STX3: variants seen among roughly 807,000 people sequenced by gnomAD.
The protein encoded by STX3 is syntaxin 3.
Under a neutral mutation model 40.2 loss-of-function variants are expected in STX3, and 19 were observed. That is an observed-to-expected ratio of 0.47 (90% CI 0.33 to 0.69). The LOEUF is 0.69. STX3 is among the 30% of genes least tolerant of loss of function. The probability of loss-of-function intolerance (pLI) is 0.02; values close to 1 mark genes in which losing one functional copy is unlikely to be tolerated. For synonymous variants in STX3, 122 were observed against 132.2 expected (o/e 0.92, Z 0.53); for missense variants, 364 against 366.7 (o/e 0.99, Z 0.06).
chr11:59,766,517 C>T (rs1278286722), intron 1 of STX3, among the ~76,000 whole-genome samples: 1 of 152,226 alleles, frequency 6.6e-6, no homozygotes, highest in Non-Finnish European at 1.5e-5. Flanking sequence ...TGGCTCCCCA[C>T]TCCCTGAGTA....
At chr11:59,789,012 C>T in intron 4 of STX3, 65 bp downstream of exon 4, 1 of 1,450,326 alleles carries the variant, frequency 6.9e-7, no homozygotes, top group Non-Finnish European at 9.4e-7. Context: ...CCCTAGGGTC[C>T]AGCTTTCCGA....
chr11:59,792,216 G>A lies in STX3; in HGVS notation c.466+1G>A. ...CGAATCCAGCGGCAGCTCGAAATTA[G>A]TATGTACTTGAGGTTTGGCGTGTGC... On this transcript the variant is annotated splice_donor_variant, in intron 6 of 10. Transcript: ENST00000337979. LOFTEE classifies it high-confidence loss of function. The A allele has an allele frequency of 1.2e-6, 2 of 1,613,426 alleles. No individual in the cohort carries two copies. The highest frequency in any genetic ancestry group is 1.7e-6 in the Non-Finnish European group (2 of 1,179,828).
chr11:59,779,477 G>T (rs1864209559), intron 2 of STX3, among the ~76,000 whole-genome samples: 1 of 152,174 alleles, frequency 6.6e-6, no homozygotes, highest in East Asian at 1.9e-4. Flanking sequence ...TGGGGATTAG[G>T]CATCAACATA....
chr11:59,789,123 CT>C, intron 4 of STX3, 176 bp downstream of exon 4: 2 of 541,202 alleles, frequency 3.7e-6, no homozygotes, highest in East Asian at 6.7e-5. Context: ...AGAAATTTAC[CT>C]TTTCTTAAAT....
In STX3 at chr11:59,797,263, T is replaced by C. The variant is rs746033383; in HGVS notation, c.787-20T>C. On this transcript the variant is annotated intron_variant, in intron 9 of 10. Transcript: ENST00000337979. ...GTTGTTTGTAATAATGATTTGTTTT[T>C]GTCTTATTCCTCTCTCCAGAAATTG... 1.9e-6 allele frequency: 3 copies of C among 1,593,304 alleles called. No homozygotes were observed. Among genetic ancestry groups the C allele is most frequent in the Middle Eastern group, 1.7e-4 (1 of 6,020 alleles).
At chr11:59,763,336 A>T in intron 1 of STX3, among the ~76,000 whole-genome samples, 1 of 152,170 alleles carries the variant, frequency 6.6e-6, no homozygotes, top group East Asian at 1.9e-4. Context: ...TGTACATAAC[A>T]TCTACCTAGA....
rs181318712 is a variant in STX3 at position 59,799,210 on chromosome 11, T to C, written c.*31-1645T>C. On this transcript the variant is annotated intron_variant, in intron 10 of 10. Transcript: ENST00000337979. ...CAGCCAGTGACTTTTAAAATATTTTTCTGAATAAAATATAGCATGCATTGT... is the reference window on the plus strand; with the variant it reads ...CAGCCAGTGACTTTTAAAATATTTTCCTGAATAAAATATAGCATGCATTGT... 6.3e-3 allele frequency among the ~76,000 whole-genome samples: 954 copies of C among 152,278 alleles called. 6 individuals carry two copies. Among genetic ancestry groups the C allele is most frequent in the African/African-American group, 0.021 (871 of 41,544 alleles).
intron 7 of STX3, 41 bp downstream of exon 7, chr11:59,793,213 A>G: frequency 1.2e-6 from 2 of 1,610,128 alleles, no homozygotes; most frequent in Non-Finnish European, 1.7e-6. Flanking sequence ...CCCTCTCGTG[A>G]GCAGGGAGGC....
intron 1 of STX3, among the ~76,000 whole-genome samples, chr11:59,772,452 CTCTT>C (rs1863707827): frequency 2.0e-5 from 3 of 152,192 alleles, no homozygotes; most frequent in Admixed American, 6.5e-5. Flanking sequence ...GGAGAGCTTC[CTCTT>C]TCTTATAAAC....
At chr11:59,795,700 T>G (rs1865477948) in intron 9 of STX3, 2 of 1,536,698 alleles carry the variant, frequency 1.3e-6, no homozygotes, top group Non-Finnish European at 1.7e-6. Context: ...AGTATCAGAG[T>G]GAAGCCCGGA....
Position 59,793,236 on chromosome 11 carries a change from C to T in STX3, c.540+64C>T, listed in dbSNP as rs1461381589. On this transcript the variant is annotated intron_variant, in intron 7 of 10. Transcript: ENST00000337979. ...TGAGCAGGGAGGCCACTGCGGAGCT[C>T]ATGCAGTCCAGCAGGTGGAGGGGGA... 3.1e-6 allele frequency: 5 copies of T among 1,607,644 alleles called. No homozygotes were observed. In the Admixed American group the frequency reaches 5.1e-5, roughly 16 times the overall value.
At chr11:59,769,598 C>T (rs1420971796) in intron 1 of STX3, among the ~76,000 whole-genome samples, 1 of 152,178 alleles carries the variant, frequency 6.6e-6, no homozygotes, top group Non-Finnish European at 1.5e-5. Context: ...TGCCTGGCTA[C>T]ATCTGCACAA....
intron 2 of STX3, among the ~76,000 whole-genome samples, chr11:59,785,376 G>A (rs1054442004): frequency 2.0e-5 from 3 of 152,036 alleles, no homozygotes; most frequent in Admixed American, 2.0e-4. Context: ...CGTTGCTCAG[G>A]CGGGAAATGC....
rs1329808685 is a variant in STX3, at chr11:59,784,912, C to G, written c.115-2125C>G. 3.9e-5 allele frequency among the ~76,000 whole-genome samples: 6 copies of G among 152,236 alleles called. No individual in the cohort carries two copies. In the East Asian group the frequency reaches 1.2e-3, roughly 29 times the overall value. Reference sequence around the variant, plus strand: ...TGGGTAGGGCTGGAATGCTGCTAAACAGTACAGATAATTAAAAAAATTAAC... The same window carrying G: ...TGGGTAGGGCTGGAATGCTGCTAAAGAGTACAGATAATTAAAAAAATTAAC... On this transcript the variant is annotated intron_variant, in intron 2 of 10. Coordinates refer to ENST00000337979, the MANE Select transcript of STX3 (RefSeq NM_004177.5).
chr11:59,786,432 A>G (rs1207282270), intron 2 of STX3, among the ~76,000 whole-genome samples: 1 of 120,612 alleles, frequency 8.3e-6, no homozygotes, highest in Non-Finnish European at 1.7e-5. Flanking sequence ...TGCATTTTTT[A>G]GTAGAGACGG....
intron 3 of STX3, among the ~76,000 whole-genome samples, chr11:59,788,243 C>T (rs1864898942): frequency 6.6e-6 from 1 of 152,180 alleles, no homozygotes; most frequent in East Asian, 1.9e-4. Context: ...ATACCTTACT[C>T]CACGCTGCAT....
At chr11:59,773,151 C>CAAT in intron 1 of STX3, 60 bp from the exon 2 acceptor site, 1 of 1,525,550 alleles carries the variant, frequency 6.6e-7, no homozygotes, top group South Asian at 1.1e-5. Flanking sequence ...CGTGAGCATT[C>CAAT]AATAATTTAG....
At chr11:59,761,089 A>G (rs1025879782) in intron 1 of STX3, among the ~76,000 whole-genome samples, 1 of 152,178 alleles carries the variant, frequency 6.6e-6, no homozygotes, top group Non-Finnish European at 1.5e-5. Context: ...GAGGGAATCC[A>G]TATGTTTGCT....
Position 59,787,106 on chromosome 11 carries a change from A to G in STX3, c.184A>G (p.Ile62Val), listed in dbSNP as rs1864830519. The part of the protein sequence containing the change: ...HVEEAKKLYS[I>V]ILSAPIPEPK... Reference sequence around the variant, plus strand: ...AGAGGAGGCTAAGAAACTCTACAGTATCATTCTCTCTGCACCGATTCCAGA... The same window carrying G: ...AGAGGAGGCTAAGAAACTCTACAGTGTCATTCTCTCTGCACCGATTCCAGA... The change falls in exon 3 of 11, where the codon ATC (isoleucine) becomes GTC (valine). Residue 62 changes from isoleucine (I) to valine (V), a missense_variant. Coordinates refer to ENST00000337979, the MANE Select transcript of STX3 (RefSeq NM_004177.5). 3 of 1,614,234 alleles carry G rather than the reference A, an allele frequency of 1.9e-6. No homozygotes were observed. The highest frequency in any genetic ancestry group is 2.2e-5 in the East Asian group (1 of 44,894).
Sources: gnomAD v4.1 joint callset for allele counts (sites outside exome capture counted in the v4.1 genomes callset) on GRCh38, gnomAD v4.1.1 for gene constraint, MANE v1.5 for transcripts, NCBI Gene and HGNC (gene_info 2026-07-23, HGNC 2026-07-21) for gene names.